The following ENTREP2 variants were observed in gnomAD, a reference collection of about 807,000 sequenced individuals.
ENTREP2 encodes the protein protein ENTREP2.
chr15:29,526,012 C>A, the ENTREP2 span, among the ~76,000 whole-genome samples: 3 of 152,160 alleles, frequency 2.0e-5, no homozygotes, highest in Non-Finnish European at 2.9e-5. Context: ...ATGAGCTAAT[C>A]AATTCTGTAT....
At chr15:29,124,904 G>C in the ENTREP2 span, 3 of 722,172 alleles carry the variant, frequency 4.2e-6, no homozygotes, top group Non-Finnish European at 7.0e-6. Flanking sequence ...CCGAGCGGCA[G>C]ATCAGACAGG....
chr15:29,611,520 CCTTAA>C, the ENTREP2 span, among the ~76,000 whole-genome samples: 4 of 152,184 alleles, frequency 2.6e-5, no homozygotes, highest in East Asian at 3.9e-4. Context: ...CCACGTGCAC[CCTTAA>C]CTTATGTCTC....
At chr15:29,346,831 T>C in the ENTREP2 span, among the ~76,000 whole-genome samples, 1 of 152,332 alleles carries the variant, frequency 6.6e-6, no homozygotes, top group Admixed American at 6.5e-5. Flanking sequence ...TTCAAGATTT[T>C]TGGCCACACA....
At chr15:29,296,587 G>T in the ENTREP2 span, among the ~76,000 whole-genome samples, 1 of 152,142 alleles carries the variant, frequency 6.6e-6, no homozygotes, top group Non-Finnish European at 1.5e-5. Context: ...CATAAAACTT[G>T]ATGTTTTTTA....
chr15:29,525,415 GTAT>G, the ENTREP2 span, among the ~76,000 whole-genome samples: 1 of 152,196 alleles, frequency 6.6e-6, no homozygotes, highest in Admixed American at 6.5e-5. Flanking sequence ...ATGAAATAAA[GTAT>G]TATTAGATGC....
At chr15:29,177,756 G>A in the ENTREP2 span, among the ~76,000 whole-genome samples, 7 of 152,148 alleles carry the variant, frequency 4.6e-5, no homozygotes, top group Non-Finnish European at 7.3e-5. Context: ...ACCGGGCAGT[G>A]AGGCAAGTCA....
chr15:29,157,931 A>G, the ENTREP2 span, among the ~76,000 whole-genome samples: 20 of 152,278 alleles, frequency 1.3e-4, no homozygotes, highest in African/African-American at 4.8e-4. Flanking sequence ...GGGTTTCACC[A>G]TGTTGGCCAG....
the ENTREP2 span, among the ~76,000 whole-genome samples, chr15:29,580,525 C>G: frequency 2.0e-5 from 3 of 152,126 alleles, no homozygotes; most frequent in Admixed American, 6.5e-5. Context: ...CCTATAGCGG[C>G]AGAACAGATT....
chr15:29,452,299 A>G, the ENTREP2 span, among the ~76,000 whole-genome samples: 1 of 152,152 alleles, frequency 6.6e-6, no homozygotes, highest in Non-Finnish European at 1.5e-5. Context: ...CAAGAGGGGA[A>G]GTGGATATTG....
chr15:29,512,483 C>T, the ENTREP2 span, among the ~76,000 whole-genome samples: 2 of 152,142 alleles, frequency 1.3e-5, no homozygotes, highest in African/African-American at 2.4e-5. Flanking sequence ...TCCCAAAATT[C>T]GTATGTTGAG....
the ENTREP2 span, among the ~76,000 whole-genome samples, chr15:29,602,763 T>C: frequency 1.1e-4 from 17 of 152,272 alleles, no homozygotes; most frequent in African/African-American, 4.1e-4. Flanking sequence ...AGCTCCTTAA[T>C]GAGCCAAAAC....
At chr15:29,377,860 A>AATAATAATC in the ENTREP2 span, among the ~76,000 whole-genome samples, 1 of 104,928 alleles carries the variant, frequency 9.5e-6, no homozygotes, top group African/African-American at 2.9e-5. Context: ...TAATAATAAT[A>AATAATAATC]ATAAAAAAAT....
chr15:29,432,016 C>T, the ENTREP2 span, among the ~76,000 whole-genome samples: 1 of 152,168 alleles, frequency 6.6e-6, no homozygotes, highest in Non-Finnish European at 1.5e-5. Flanking sequence ...GAGATTTCAT[C>T]CTTTGTTGCT....
chr15:29,497,599 T>G, the ENTREP2 span, among the ~76,000 whole-genome samples: 1 of 152,182 alleles, frequency 6.6e-6, no homozygotes, highest in Non-Finnish European at 1.5e-5. Context: ...AGTACTCTCT[T>G]AGGATCCTTT....
the ENTREP2 span, among the ~76,000 whole-genome samples, chr15:29,527,170 C>G: frequency 6.6e-6 from 1 of 152,130 alleles, no homozygotes; most frequent in Non-Finnish European, 1.5e-5. Flanking sequence ...CATGGCCAGG[C>G]CATGCCCCCG....
At chr15:29,344,453 C>T in the ENTREP2 span, among the ~76,000 whole-genome samples, 1 of 123,778 alleles carries the variant, frequency 8.1e-6, no homozygotes, top group Non-Finnish European at 1.8e-5. Context: ...CCATCTGGGA[C>T]ACATTCCTCT....
At chr15:29,155,212 G>C in the ENTREP2 span, among the ~76,000 whole-genome samples, 1 of 151,876 alleles carries the variant, frequency 6.6e-6, no homozygotes, top group South Asian at 2.1e-4. Context: ...AACCCAGGAG[G>C]TGGAGCTTGC....
the ENTREP2 span, among the ~76,000 whole-genome samples, chr15:29,161,259 T>C: frequency 6.6e-6 from 1 of 152,122 alleles, no homozygotes; most frequent in South Asian, 2.1e-4. Context: ...CTAGACAAAG[T>C]GTAGGTTCTC....
the ENTREP2 span, among the ~76,000 whole-genome samples, chr15:29,534,270 G>A: frequency 6.6e-6 from 1 of 152,128 alleles, no homozygotes; most frequent in Non-Finnish European, 1.5e-5. Flanking sequence ...GAGTGTCTGA[G>A]AGGATGGAGA....
Sources: allele counts gnomAD v4.1 joint callset (sites outside exome capture counted in the v4.1 genomes callset), GRCh38; gene constraint gnomAD v4.1.1; transcripts MANE v1.5; gene names NCBI Gene and HGNC (gene_info 2026-07-23, HGNC 2026-07-21).